Variants in GPBP1L1 observed in about 807,000 individuals in gnomAD.
The protein encoded by GPBP1L1 is GC-rich promoter binding protein 1 like 1.
A neutral mutation model predicts 52.5 loss-of-function variants in GPBP1L1; 23 were observed. That is an observed-to-expected ratio of 0.44 (90% confidence interval 0.32 to 0.62). GPBP1L1 has a LOEUF of 0.62. GPBP1L1 is among the 20% of genes least tolerant of loss of function. The probability of loss-of-function intolerance (pLI) is 0.06; values close to 1 mark genes in which losing one functional copy is unlikely to be tolerated. For missense variants in GPBP1L1, 596 were observed against 579.3 expected, an observed-to-expected ratio of 1.03 and a Z score of -0.30; for synonymous variants, 243 against 203.1, an observed-to-expected ratio of 1.20 and a Z score of -1.67.
Position 45,655,228 on chromosome 1 carries a change from T to C in GPBP1L1, c.152A>G (p.Asp51Gly), listed in dbSNP as rs774785930. 1.2e-6 allele frequency: 2 copies of C among 1,614,120 alleles called. No homozygotes were observed. Among genetic ancestry groups the C allele is most frequent in the Non-Finnish European group, 1.7e-6 (2 of 1,180,000 alleles). Residue 51 changes from aspartate to glycine, a missense_variant, in exon 5 of 13, where the codon GAT (aspartate) becomes GGT (glycine). By Grantham distance (94) the Asp-to-Gly change is moderately conservative. Coordinates refer to ENST00000355105, the MANE Select transcript of GPBP1L1 (RefSeq NM_021639.5). ...GVSRRRHNSS[D>G]GFFNNGPLRT... ...TAGGGGACCATTGTTAAAAAAACCATCAGAGGAATTATGTCGACGGCGGCT... is the reference window on the plus strand; with the variant it reads ...TAGGGGACCATTGTTAAAAAAACCACCAGAGGAATTATGTCGACGGCGGCT...
chr1:45,641,958 T>C (rs1569783932), intron 7 of GPBP1L1: 1 of 152,918 alleles, frequency 6.5e-6, no homozygotes, highest in African/African-American at 2.4e-5. Context: ...CCAAGATGGG[T>C]GGATCACTTG....
intron 4 of GPBP1L1, chr1:45,655,589 A>G (rs1644875970): frequency 3.7e-6 from 1 of 270,372 alleles, no homozygotes; most frequent in South Asian, 8.4e-5. Context: ...GCGGAGGGGA[A>G]AAAAGCCTTG....
At chr1:45,683,682 G>C (rs1645240506) in intron 2 of GPBP1L1, among the ~76,000 whole-genome samples, 2 of 146,754 alleles carry the variant, frequency 1.4e-5, no homozygotes, top group African/African-American at 5.1e-5. Context: ...CGAGACCATT[G>C]CTTGAGTCCC....
At chr1:45,676,850 G>A (rs1484502099) in intron 2 of GPBP1L1, among the ~76,000 whole-genome samples, 1 of 151,800 alleles carries the variant, frequency 6.6e-6, no homozygotes, top group African/African-American at 2.4e-5. Context: ...CTGCACTCCA[G>A]CCTGGGTGAC....
At chr1:45,652,382 C>T (rs139905995) in intron 6 of GPBP1L1, among the ~76,000 whole-genome samples, 1 of 152,208 alleles carries the variant, frequency 6.6e-6, no homozygotes, top group Non-Finnish European at 1.5e-5. Context: ...CTGGGAATGT[C>T]ACAGGACTGA....
chr1:45,685,683 CTTTAAACG>C (rs1251736810), intron 1 of GPBP1L1, 63 bp from the exon 2 acceptor site: 2 of 152,234 alleles, frequency 1.3e-5, no homozygotes, highest in Non-Finnish European at 2.9e-5. Flanking sequence ...GGACTAAAAT[CTTTAAACG>C]TTAATGTATT....
At position 45,627,731 on chromosome 1, in the gene GPBP1L1, AAAAC is replaced by A. The variant is rs1170869501; in HGVS notation, c.*521_*524del. The A allele has an allele frequency of 7.2e-6, 1 of 138,098 alleles. No individual in the cohort carries two copies. Among genetic ancestry groups the A allele is most frequent in the Non-Finnish European group, 1.6e-5 (1 of 61,708 alleles). The allele number at this position is 138,098 out of a possible 1,614,324, so 8.6% of individuals were successfully genotyped here. A position where few individuals can be genotyped will look rare whatever the true frequency, so the allele number is the denominator to read the frequency against. ...GTACCCAAAAAGGAAAAAGAAAAAA[AAAAC>A]AAAAAAAAACAACCAAAAAAACCCA... On this transcript the variant is annotated 3_prime_UTR_variant, in exon 13 of 13. Transcript: ENST00000355105.
At chr1:45,665,582 A>C (rs1258250975) in intron 2 of GPBP1L1, among the ~76,000 whole-genome samples, 2 of 151,834 alleles carry the variant, frequency 1.3e-5, no homozygotes, top group Non-Finnish European at 2.9e-5. Flanking sequence ...CTCTGCTAAA[A>C]ATACAAAAAC....
At chr1:45,680,761 T>C (rs764202055) in intron 2 of GPBP1L1, among the ~76,000 whole-genome samples, 13 of 152,074 alleles carry the variant, frequency 8.5e-5, no homozygotes, top group Non-Finnish European at 1.5e-4. Flanking sequence ...GAATTGTTGA[T>C]TAAATGAGTG....
At chr1:45,643,330 G>A (rs1200009009) in intron 6 of GPBP1L1, among the ~76,000 whole-genome samples, 2 of 152,190 alleles carry the variant, frequency 1.3e-5, no homozygotes, top group Non-Finnish European at 2.9e-5. Context: ...GCCAGCTTGT[G>A]GAGGATTTCT....
chr1:45,679,795 G>A (rs1381456628), intron 2 of GPBP1L1, among the ~76,000 whole-genome samples: 1 of 150,012 alleles, frequency 6.7e-6, no homozygotes, highest in East Asian at 2.0e-4. Flanking sequence ...GCTCATGCCT[G>A]TAATCCCATC....
intron 2 of GPBP1L1, among the ~76,000 whole-genome samples, chr1:45,673,241 C>T (rs1427705414): frequency 6.6e-6 from 1 of 152,162 alleles, no homozygotes; most frequent in Non-Finnish European, 1.5e-5. Flanking sequence ...AAGGTCTACC[C>T]TGATTGCTTC....
chr1:45,665,155 T>C (rs1569856310), intron 2 of GPBP1L1, among the ~76,000 whole-genome samples: 2 of 152,114 alleles, frequency 1.3e-5, no homozygotes, highest in South Asian at 4.1e-4. Context: ...CTGGGTGTCG[T>C]GGCTGGCACC....
intron 8 of GPBP1L1, among the ~76,000 whole-genome samples, chr1:45,636,866 T>C (rs1644600536): frequency 6.6e-6 from 1 of 152,340 alleles, no homozygotes; most frequent in Non-Finnish European, 1.5e-5. Context: ...ACAGGAGGCA[T>C]TCTGGAACAG....
intron 4 of GPBP1L1, chr1:45,656,065 C>G (rs1005765137): frequency 6.6e-6 from 1 of 152,160 alleles, no homozygotes; most frequent in Non-Finnish European, 1.5e-5. Flanking sequence ...AGCCACAGCT[C>G]CCAACTACTA....
chr1:45,636,939 C>G (rs1644601155), intron 8 of GPBP1L1, among the ~76,000 whole-genome samples: 1 of 152,026 alleles, frequency 6.6e-6, no homozygotes, highest in South Asian at 2.1e-4. Flanking sequence ...CACTTATTAG[C>G]TATGTAACCC....
chr1:45,630,510 G>A lies in GPBP1L1; in HGVS notation c.1141C>T (p.Leu381Phe), dbSNP rs1417789919. Reference sequence around the variant, plus strand: ...TGCTCTGCTTCTAGAGAGTGTGAGAGAACCTCCCCTTCTTCCACTACAGGG... The same window carrying A: ...TGCTCTGCTTCTAGAGAGTGTGAGAAAACCTCCCCTTCTTCCACTACAGGG... ...ALPVVEEGEVLSHSLEAEHRL... is the reference protein window; with the variant it reads ...ALPVVEEGEVFSHSLEAEHRL... Residue 381 changes from leucine (L) to phenylalanine (F), a missense_variant, in exon 11 of 13, where the codon CTC becomes TTC. Physicochemically the swap from Leu to Phe is conservative, Grantham distance 22 (BLOSUM62 0). Coordinates refer to ENST00000355105, the MANE Select transcript of GPBP1L1 (RefSeq NM_021639.5). The A allele has an allele frequency of 2.5e-6, 4 of 1,613,834 alleles. No homozygotes were observed. Among genetic ancestry groups the A allele is most frequent in the Non-Finnish European group, 3.4e-6 (4 of 1,179,854 alleles).
intron 6 of GPBP1L1, among the ~76,000 whole-genome samples, chr1:45,643,552 A>T (rs1342405580): frequency 2.0e-5 from 3 of 152,080 alleles, no homozygotes; most frequent in Non-Finnish European, 4.4e-5. Context: ...AGATAAGGGA[A>T]AGGGCAGGGA....
intron 2 of GPBP1L1, among the ~76,000 whole-genome samples, chr1:45,665,285 T>A (rs1288619471): frequency 1.3e-5 from 2 of 151,992 alleles, no homozygotes; most frequent in Non-Finnish European, 2.9e-5. Context: ...AAACAAAACA[T>A]GAAAGACTAG....
Sources: gnomAD v4.1 joint callset for allele counts (sites outside exome capture counted in the v4.1 genomes callset) on GRCh38, gnomAD v4.1.1 for gene constraint, MANE v1.5 for transcripts, NCBI Gene and HGNC (gene_info 2026-07-23, HGNC 2026-07-21) for gene names.